CDH2: variants seen among roughly 807,000 people sequenced by gnomAD.
CDH2 encodes cadherin-2.
CDH2 carries 17 observed loss-of-function variants against 92.0 expected under a neutral mutation model. That is an observed-to-expected ratio of 0.18 (90% CI 0.13 to 0.28). The LOEUF (loss-of-function observed/expected upper bound fraction) is 0.28. Ranked by LOEUF, CDH2 falls within the 10% of genes least tolerant of loss-of-function variation. CDH2 has a pLI of 1.00. For missense variants in CDH2, 862 were observed against 1,133.1 expected (o/e 0.76, Z 3.44); for synonymous variants, 419 against 415.9 (o/e 1.01, Z -0.09).
intron 1 of CDH2, among the ~76,000 whole-genome samples, chr18:28,154,583 T>C (rs1190574378): frequency 6.6e-5 from 10 of 152,228 alleles, no homozygotes; most frequent in Admixed American, 4.6e-4. Flanking sequence ...GCAGGGACAT[T>C]GTTTTTGTTC....
chr18:28,007,352 C>A (rs2012966642), intron 5 of CDH2, among the ~76,000 whole-genome samples: 1 of 151,570 alleles, frequency 6.6e-6, no homozygotes, highest in Non-Finnish European at 1.5e-5. Flanking sequence ...AGATTCATTT[C>A]ATTCTTTCCA....
At chr18:27,946,628 T>C (rs1909273882), downstream of CDH2, among the ~76,000 whole-genome samples, 1 of 152,078 alleles carries the variant, frequency 6.6e-6, no homozygotes, top group South Asian at 2.1e-4. Flanking sequence ...ATAGGAAAAA[T>C]GGCAATCTTC....
intron 1 of CDH2, among the ~76,000 whole-genome samples, chr18:28,165,888 T>C (rs1359773195): frequency 6.6e-6 from 1 of 151,708 alleles, no homozygotes; most frequent in Admixed American, 6.6e-5. Flanking sequence ...AAACAGAAAC[T>C]TTAACAAATG....
chr18:28,132,135 T>TAC (rs1377067248), intron 2 of CDH2, among the ~76,000 whole-genome samples: 1 of 152,224 alleles, frequency 6.6e-6, no homozygotes, highest in Non-Finnish European at 1.5e-5. Flanking sequence ...CTTCGCCATG[T>TAC]ACACCAGCCT....
chr18:27,994,298 T>A (rs978534525), intron 7 of CDH2, among the ~76,000 whole-genome samples: 4 of 152,206 alleles, frequency 2.6e-5, no homozygotes, highest in African/African-American at 9.6e-5. Context: ...GATTAGGATT[T>A]GGGTATAACA....
At chr18:28,004,629 A>G (rs746609729) in intron 6 of CDH2, among the ~76,000 whole-genome samples, 24 of 152,210 alleles carry the variant, frequency 1.6e-4, no homozygotes, top group Non-Finnish European at 2.6e-4. Context: ...AGAAAATAAT[A>G]TAAAAAAATT....
intron 2 of CDH2, among the ~76,000 whole-genome samples, chr18:28,097,977 A>G (rs2015164550): frequency 6.6e-6 from 1 of 152,202 alleles, no homozygotes; most frequent in Non-Finnish European, 1.5e-5. Context: ...TGCAAATAGC[A>G]AAAGTTTCAA....
chr18:27,974,866 G>C (rs1044087021), intron 14 of CDH2, among the ~76,000 whole-genome samples: 1 of 152,164 alleles, frequency 6.6e-6, no homozygotes, highest in Non-Finnish European at 1.5e-5. Flanking sequence ...GGACTTCCCA[G>C]GATCTAGAAC....
At chr18:28,053,981 G>A (rs2014243759) in intron 2 of CDH2, among the ~76,000 whole-genome samples, 1 of 152,112 alleles carries the variant, frequency 6.6e-6, no homozygotes, top group South Asian at 2.1e-4. Flanking sequence ...TGAATCCAGG[G>A]TTAGTTTGTG....
chr18:28,162,305 C>A (rs1221559465), intron 1 of CDH2, among the ~76,000 whole-genome samples: 1 of 152,184 alleles, frequency 6.6e-6, no homozygotes, highest in Non-Finnish European at 1.5e-5. Context: ...GGCACTCAAC[C>A]AAGACCCCTC....
intron 2 of CDH2, among the ~76,000 whole-genome samples, chr18:28,127,722 TC>T (rs1164062766): frequency 2.0e-5 from 3 of 152,134 alleles, no homozygotes; most frequent in South Asian, 4.1e-4. Context: ...TGCCTACAAG[TC>T]CTTCAAGGCT....
chr18:28,029,511 C>T (rs747843398), intron 2 of CDH2, among the ~76,000 whole-genome samples: 1 of 151,958 alleles, frequency 6.6e-6, no homozygotes, highest in Non-Finnish European at 1.5e-5. Context: ...GAAATGAACA[C>T]TTACCTATGT....
intron 2 of CDH2, among the ~76,000 whole-genome samples, chr18:28,044,333 C>G (rs897534855): frequency 6.6e-6 from 1 of 152,094 alleles, no homozygotes; most frequent in African/African-American, 2.4e-5. Flanking sequence ...GCCTGTTAAC[C>G]CCTTACATTG....
At chr18:28,042,078 G>T (rs1004873220) in intron 2 of CDH2, among the ~76,000 whole-genome samples, 1 of 151,790 alleles carries the variant, frequency 6.6e-6, no homozygotes, top group Non-Finnish European at 1.5e-5. Context: ...CTGAAATGCC[G>T]AACTGCTAAT....
chr18:28,139,574 T>G (rs1335356390), intron 2 of CDH2, among the ~76,000 whole-genome samples: 6 of 151,960 alleles, frequency 3.9e-5, no homozygotes, highest in Admixed American at 3.9e-4. Context: ...GACTTCTCAG[T>G]CCTCATCTGA....
At chr18:28,030,116 T>C (rs575501969) in intron 2 of CDH2, among the ~76,000 whole-genome samples, 70 of 152,210 alleles carry the variant, frequency 4.6e-4, no homozygotes, top group African/African-American at 1.6e-3. Flanking sequence ...CTGAATTACA[T>C]CCTTTGCCTA....
intron 11 of CDH2, 127 bp downstream of exon 11, chr18:27,988,397 T>C: frequency 1.4e-6 from 1 of 728,176 alleles, no homozygotes; most frequent in Non-Finnish European, 2.3e-6. Context: ...AAATAAAAGC[T>C]GGACCTCGGA....
intron 14 of CDH2, 173 bp from the exon 15 acceptor site, chr18:27,963,694 CTCTT>C (rs2011467920): frequency 8.5e-6 from 5 of 591,000 alleles, no homozygotes; most frequent in Admixed American, 2.9e-5. Context: ...TTTCACACAG[CTCTT>C]TCTTCTGTGC....
At chr18:28,176,782 C>T (rs2016549720) in intron 1 of CDH2, among the ~76,000 whole-genome samples, 181 bp downstream of exon 1, 1 of 151,456 alleles carries the variant, frequency 6.6e-6, no homozygotes, top group African/African-American at 2.4e-5. Context: ...CAACCCTGCC[C>T]CGGCGCCCGG....
Sources: gnomAD v4.1 joint callset for allele counts (sites outside exome capture counted in the v4.1 genomes callset) on GRCh38, gnomAD v4.1.1 for gene constraint, MANE v1.5 for transcripts, NCBI Gene and HGNC (gene_info 2026-07-23, HGNC 2026-07-21) for gene names.